The following SPHKAP variants were observed in gnomAD, a reference collection of about 807,000 sequenced individuals.
SPHKAP encodes SPHK1 interactor, AKAP domain containing.
In SPHKAP, 67 loss-of-function variants were observed where a neutral mutation model predicts 137.5. The observed-to-expected ratio is 0.49, with a 90% confidence interval of 0.40 to 0.60. SPHKAP has a LOEUF of 0.60. Ranked by LOEUF, SPHKAP falls within the 20% of genes least tolerant of loss-of-function variation. SPHKAP has a pLI of 0.00. For missense variants in SPHKAP, 2,097 were observed against 2,069.3 expected, an observed-to-expected ratio of 1.01 and a Z score of -0.26; for synonymous variants, 813 against 785.3, an observed-to-expected ratio of 1.04 and a Z score of -0.59.
In SPHKAP at chr2:228,104,501, G is replaced by A. The variant is rs182541582; in HGVS notation, c.246+4331C>T. Among the ~76,000 whole-genome samples, 1,213 of 151,094 alleles carry A rather than the reference G, an allele frequency of 8.0e-3. 7 individuals carry two copies. The highest frequency in any genetic ancestry group is 0.01 in the Middle Eastern group (3 of 288). On this transcript the variant is annotated intron_variant, in intron 3 of 11. Coordinates refer to ENST00000392056, the MANE Select transcript of SPHKAP (RefSeq NM_001142644.2). ...TCAACTGTGGTGTTTGTCAAATAGG[G>A]CTTAGGTATATTTGGAGAAATAATA...
chr2:228,095,864 G>C (rs1697968069), intron 3 of SPHKAP, among the ~76,000 whole-genome samples: 1 of 152,130 alleles, frequency 6.6e-6, no homozygotes. Context: ...TTTTGTGATA[G>C]AGCAATTTTG....
intron 1 of SPHKAP, among the ~76,000 whole-genome samples, chr2:228,169,019 A>G (rs545931876): frequency 2.0e-5 from 3 of 152,346 alleles, no homozygotes; most frequent in Admixed American, 2.0e-4. Context: ...AATCCAGAGC[A>G]AGGCCCTCAC....
chr2:228,146,813 ATATAGG>A (rs1269731027), intron 1 of SPHKAP, among the ~76,000 whole-genome samples: 6 of 152,248 alleles, frequency 3.9e-5, no homozygotes, highest in East Asian at 1.9e-4. Context: ...ATTGATGAGC[ATATAGG>A]TTCATTCCAT....
chr2:228,015,375 T>C (rs1694541134), intron 7 of SPHKAP, among the ~76,000 whole-genome samples: 1 of 151,894 alleles, frequency 6.6e-6, no homozygotes, highest in African/African-American at 2.4e-5. Context: ...AGTGCTGCAA[T>C]AAACATACGT....
At chr2:228,160,550 A>T (rs1025633414) in intron 1 of SPHKAP, among the ~76,000 whole-genome samples, 1 of 152,194 alleles carries the variant, frequency 6.6e-6, no homozygotes, top group Non-Finnish European at 1.5e-5. Flanking sequence ...GAACTCACTC[A>T]CTATCATGAG....
chr2:228,122,188 T>A (rs1698928863), intron 2 of SPHKAP, among the ~76,000 whole-genome samples: 1 of 152,118 alleles, frequency 6.6e-6, no homozygotes, highest in Non-Finnish European at 1.5e-5. Flanking sequence ...CCACAGGAAT[T>A]CAGAAAAACA....
chr2:228,091,380 C>G (rs1697724704), intron 3 of SPHKAP, among the ~76,000 whole-genome samples: 1 of 152,034 alleles, frequency 6.6e-6, no homozygotes, highest in Admixed American at 6.6e-5. Context: ...GACCAACAAC[C>G]CAAAAGCAAA....
chr2:228,057,774 C>T (rs888289399), intron 3 of SPHKAP, among the ~76,000 whole-genome samples: 2 of 152,076 alleles, frequency 1.3e-5, no homozygotes, highest in African/African-American at 4.8e-5. Context: ...GTGGGATGAA[C>T]AGGTTTCAGA....
intron 6 of SPHKAP, among the ~76,000 whole-genome samples, chr2:228,020,647 C>A (rs1186586239): frequency 1.3e-5 from 2 of 152,092 alleles, no homozygotes; most frequent in South Asian, 4.1e-4. Flanking sequence ...AGCACACCAA[C>A]ATGGCACATG....
At chr2:228,150,762 T>G (rs969924945) in intron 1 of SPHKAP, among the ~76,000 whole-genome samples, 3 of 151,882 alleles carry the variant, frequency 2.0e-5, no homozygotes, top group Non-Finnish European at 2.9e-5. Flanking sequence ...CTATGTTTCT[T>G]TTTTTGGAGA....
chr2:228,089,144 T>C (rs1697637537), intron 3 of SPHKAP, among the ~76,000 whole-genome samples: 3 of 152,160 alleles, frequency 2.0e-5, no homozygotes, highest in South Asian at 4.1e-4. Flanking sequence ...AAAATACTGA[T>C]AGAAATATGG....
intron 7 of SPHKAP, among the ~76,000 whole-genome samples, chr2:227,996,863 G>A (rs1386313934): frequency 6.6e-6 from 1 of 152,096 alleles, no homozygotes; most frequent in Non-Finnish European, 1.5e-5. Context: ...CTCAATTACT[G>A]TTACACCAAC....
At chr2:228,042,725 T>A (rs1695899467) in intron 3 of SPHKAP, among the ~76,000 whole-genome samples, 1 of 152,248 alleles carries the variant, frequency 6.6e-6, no homozygotes. Flanking sequence ...TTCTATTTAC[T>A]TGGCGTAAGT....
intron 7 of SPHKAP, among the ~76,000 whole-genome samples, chr2:228,005,563 T>C (rs1484287581): frequency 6.6e-6 from 1 of 152,232 alleles, no homozygotes. Flanking sequence ...AAGGTTAATA[T>C]TGTTATGTGG....
At chr2:228,034,974 A>G (rs957546734) in intron 3 of SPHKAP, among the ~76,000 whole-genome samples, 2 of 151,114 alleles carry the variant, frequency 1.3e-5, no homozygotes, top group African/African-American at 2.4e-5. Context: ...CTGGCACAAG[A>G]GAGGGATGCC....
chr2:227,990,236 C>A (rs1192179845), intron 11 of SPHKAP, among the ~76,000 whole-genome samples: 1 of 152,216 alleles, frequency 6.6e-6, no homozygotes, highest in Non-Finnish European at 1.5e-5. Context: ...GTAGAACTCA[C>A]CCTAACTTTG....
chr2:228,117,699 T>C (rs1469378081), intron 2 of SPHKAP, among the ~76,000 whole-genome samples: 3 of 152,088 alleles, frequency 2.0e-5, no homozygotes, highest in Non-Finnish European at 2.9e-5. Context: ...ATGCACATGA[T>C]TGTGTAACCA....
At chr2:228,002,046 T>C (rs1459178457) in intron 7 of SPHKAP, among the ~76,000 whole-genome samples, 1 of 152,216 alleles carries the variant, frequency 6.6e-6, no homozygotes, top group African/African-American at 2.4e-5. Context: ...GCATGTGTTT[T>C]TATAGCAGCA....
intron 3 of SPHKAP, among the ~76,000 whole-genome samples, chr2:228,043,449 C>T (rs576616601): frequency 6.6e-6 from 1 of 152,296 alleles, no homozygotes; most frequent in Non-Finnish European, 1.5e-5. Flanking sequence ...GCCTCAGCCT[C>T]CCGAGTAGCT....
Sources: gnomAD v4.1 joint callset for allele counts (sites outside exome capture counted in the v4.1 genomes callset) on GRCh38, gnomAD v4.1.1 for gene constraint, MANE v1.5 for transcripts, NCBI Gene and HGNC (gene_info 2026-07-23, HGNC 2026-07-21) for gene names.